The following STAG1 variants were observed in gnomAD, a reference collection of about 807,000 sequenced individuals.
STAG1 encodes cohesin subunit SA-1.
Under a neutral mutation model 170.9 loss-of-function variants are expected in STAG1, and 26 were observed. The ratio of observed to expected loss-of-function variants is 0.15; its 90% CI spans 0.11 to 0.21. STAG1 has a LOEUF of 0.21. STAG1 is among the 10% of genes least tolerant of loss of function. STAG1 has a pLI of 1.00. For missense variants in STAG1, 964 were observed against 1,509.5 expected (o/e 0.64, Z 5.99); for synonymous variants, 514 against 497.7 (o/e 1.03, Z -0.44).
chr3:136,542,403 C>T (rs911789168), intron 5 of STAG1, among the ~76,000 whole-genome samples: 2 of 152,040 alleles, frequency 1.3e-5, no homozygotes, highest in Non-Finnish European at 2.9e-5. Context: ...TTGAAATTGC[C>T]GTTTTTAACT....
chr3:136,399,215 C>A (rs2108341898), intron 21 of STAG1, among the ~76,000 whole-genome samples: 1 of 152,192 alleles, frequency 6.6e-6, no homozygotes, highest in African/African-American at 2.4e-5. Flanking sequence ...ATTTCTACTT[C>A]TTTTAAAGTA....
At chr3:136,502,585 C>G (rs756364708) in intron 8 of STAG1, 43 bp downstream of exon 8, 1 of 1,591,112 alleles carries the variant, frequency 6.3e-7, no homozygotes, top group Non-Finnish European at 8.6e-7. Flanking sequence ...ATATATTCCA[C>G]ACATTTACAG....
In STAG1 at chr3:136,656,473, G is replaced by A. The variant is rs183581137; in HGVS notation, c.-83-25492C>T. ...TATCATTTTTTTTCCCAACATTAGC[G>A]GTGGGGGTAGAAACGGTGGTGGCAG... On this transcript the variant is annotated intron_variant, in intron 1 of 33. Transcript: ENST00000383202. 3.3e-5 allele frequency among the ~76,000 whole-genome samples: 5 copies of A among 151,822 alleles called. No individual in the cohort carries two copies. In the East Asian group the frequency reaches 5.8e-4, roughly 18 times the overall value.
At chr3:136,530,410 C>T (rs1576574136) in intron 6 of STAG1, among the ~76,000 whole-genome samples, 1 of 152,274 alleles carries the variant, frequency 6.6e-6, no homozygotes, top group East Asian at 1.9e-4. Context: ...CTGCAGAATA[C>T]ACATTATTCT....
At chr3:136,589,713 T>A (rs918937671) in intron 4 of STAG1, among the ~76,000 whole-genome samples, 4 of 148,878 alleles carry the variant, frequency 2.7e-5, no homozygotes, top group Non-Finnish European at 4.4e-5. Context: ...GGTCCATCAC[T>A]TGAGGTCAGG....
intron 4 of STAG1, among the ~76,000 whole-genome samples, chr3:136,581,763 TG>T (rs1937594786): frequency 6.6e-6 from 1 of 152,078 alleles, no homozygotes; most frequent in Non-Finnish European, 1.5e-5. Context: ...AAAATGGAAA[TG>T]AAAAAATGGA....
At chr3:136,398,942 C>T (rs1321012102) in intron 21 of STAG1, 113 bp from the exon 22 acceptor site, 2 of 499,072 alleles carry the variant, frequency 4.0e-6, no homozygotes, top group Admixed American at 4.3e-5. Flanking sequence ...AGTATAGCTT[C>T]AAGTCCAAAT....
intron 18 of STAG1, 21 bp from the exon 19 acceptor site, chr3:136,422,634 A>G: frequency 6.3e-7 from 1 of 1,598,452 alleles, no homozygotes; most frequent in Non-Finnish European, 8.5e-7. Context: ...AAAAAAAGAA[A>G]AACTGTAATA....
chr3:136,623,378 C>A (rs1156978937), intron 2 of STAG1, 130 bp from the exon 3 acceptor site: 14 of 646,058 alleles, frequency 2.2e-5, no homozygotes, highest in Non-Finnish European at 3.5e-5. Context: ...GAGAAACTCT[C>A]TAGCAAACTA....
intron 1 of STAG1, among the ~76,000 whole-genome samples, chr3:136,718,144 T>C (rs1375362468): frequency 6.6e-6 from 1 of 152,208 alleles, no homozygotes; most frequent in African/African-American, 2.4e-5. Context: ...TGTATCTCAC[T>C]AATCAAAAGT....
chr3:136,634,678 G>A (rs1413343122), intron 1 of STAG1, among the ~76,000 whole-genome samples: 1 of 147,790 alleles, frequency 6.8e-6, no homozygotes, highest in Non-Finnish European at 1.5e-5. Context: ...AATACAAAGG[G>A]CAAACTAAGC....
At chr3:136,597,271 C>T (rs1371264043) in intron 4 of STAG1, among the ~76,000 whole-genome samples, 1 of 151,936 alleles carries the variant, frequency 6.6e-6, no homozygotes, top group Non-Finnish European at 1.5e-5. Flanking sequence ...AATTGGTTTT[C>T]TTTAATGTTA....
At chr3:136,404,889 G>A (rs1022153057) in intron 21 of STAG1, among the ~76,000 whole-genome samples, 10 of 143,222 alleles carry the variant, frequency 7.0e-5, no homozygotes, top group African/African-American at 2.5e-4. Context: ...GTGTGTGTGT[G>A]TGTATACATG....
intron 12 of STAG1, among the ~76,000 whole-genome samples, chr3:136,466,415 C>G (rs1013465455): frequency 6.6e-6 from 1 of 151,864 alleles, no homozygotes; most frequent in Non-Finnish European, 1.5e-5. Context: ...GACTGAAGAT[C>G]AAATGAATGA....
chr3:136,597,092 T>TC (rs1938461506), intron 4 of STAG1, among the ~76,000 whole-genome samples: 1 of 152,166 alleles, frequency 6.6e-6, no homozygotes, highest in Non-Finnish European at 1.5e-5. Flanking sequence ...AAATTTTTTT[T>TC]CAGAGTTTAA....
chr3:136,747,444 C>T (rs759082313), intron 1 of STAG1, among the ~76,000 whole-genome samples: 59 of 152,192 alleles, frequency 3.9e-4, no homozygotes, highest in Non-Finnish European at 7.1e-4. Context: ...ATCCCAGCAC[C>T]TTGGGAGGCC....
At chr3:136,692,608 C>G (rs1354377359) in intron 1 of STAG1, among the ~76,000 whole-genome samples, 1 of 151,792 alleles carries the variant, frequency 6.6e-6, no homozygotes, top group African/African-American at 2.4e-5. Flanking sequence ...GCACTCTAGC[C>G]TGGGGAACAA....
At chr3:136,406,667 G>A (rs764438560) in intron 21 of STAG1, among the ~76,000 whole-genome samples, 11 of 152,106 alleles carry the variant, frequency 7.2e-5, no homozygotes, top group Non-Finnish European at 1.3e-4. Flanking sequence ...GCAAACGATT[G>A]AGTAAAGAGA....
chr3:136,579,958 ATTTTTTTTTTTTTTTTTTT>A lies in STAG1; in HGVS notation c.298-11116_298-11098del, dbSNP rs749325884. ...CTATTTTGGTCACAATACCATCTGA[ATTTTTTTTTTTTTTTTTTT>A]TTTTTTTTTGAGACGGAGTCTCACT... On this transcript the variant is annotated intron_variant, in intron 4 of 33. Coordinates refer to ENST00000383202, the MANE Select transcript of STAG1 (RefSeq NM_005862.3). 1.0e-3 allele frequency among the ~76,000 whole-genome samples: 77 copies of A among 73,652 alleles called. 2 individuals are homozygous for A. Among genetic ancestry groups the A allele is most frequent in the African/African-American group, 4.5e-3 (76 of 17,070 alleles). 48.3% of individuals were successfully genotyped at this position (73,652 alleles called of 152,430 possible).
Sources: gnomAD v4.1 joint callset for allele counts (sites outside exome capture counted in the v4.1 genomes callset) on GRCh38, gnomAD v4.1.1 for gene constraint, MANE v1.5 for transcripts, NCBI Gene and HGNC (gene_info 2026-07-23, HGNC 2026-07-21) for gene names.